KIZ: variants seen among roughly 807,000 people sequenced by gnomAD.
KIZ encodes kizuna centrosomal protein.
In KIZ, 68 loss-of-function variants were observed where a neutral mutation model predicts 79.6. The observed-to-expected ratio is 0.85, with a 90% confidence interval of 0.70 to 1.05. The LOEUF is 1.05. KIZ is among the 50% of genes least tolerant of loss of function. KIZ has a pLI of 0.00. For synonymous variants in KIZ, 280 were observed against 281.8 expected, an observed-to-expected ratio of 0.99 and a Z score of 0.06; for missense variants, 797 against 800.4, an observed-to-expected ratio of 1.00 and a Z score of 0.05.
intron 11 of KIZ, among the ~76,000 whole-genome samples, chr20:21,235,881 A>G (rs1354194474): frequency 6.6e-6 from 1 of 152,216 alleles, no homozygotes; most frequent in Non-Finnish European, 1.5e-5. Flanking sequence ...TGGCGGTGGC[A>G]TTTTCTGTCT....
intron 6 of KIZ, among the ~76,000 whole-genome samples, chr20:21,171,529 C>T (rs532675947): frequency 3.3e-4 from 51 of 152,292 alleles, no homozygotes; most frequent in African/African-American, 1.1e-3. Flanking sequence ...ACTGCAGCCT[C>T]GACCTCCCCA....
At chr20:21,172,162 A>G (rs1418364259) in intron 6 of KIZ, among the ~76,000 whole-genome samples, 1 of 152,230 alleles carries the variant, frequency 6.6e-6, no homozygotes, top group Non-Finnish European at 1.5e-5. Context: ...ATTAGTCTAT[A>G]GATAACGAGA....
intron 9 of KIZ, among the ~76,000 whole-genome samples, chr20:21,222,092 A>G (rs899534621): frequency 6.6e-6 from 1 of 152,222 alleles, no homozygotes; most frequent in Non-Finnish European, 1.5e-5. Flanking sequence ...CTGGGGCTTC[A>G]CCCATGGAGC....
intron 6 of KIZ, among the ~76,000 whole-genome samples, chr20:21,185,703 G>A (rs1244579698): frequency 6.7e-6 from 1 of 148,732 alleles, no homozygotes; most frequent in Non-Finnish European, 1.5e-5. Context: ...GAGCCACCAC[G>A]CCCAACCCTA....
At chr20:21,200,715 C>T (rs985392145) in intron 6 of KIZ, among the ~76,000 whole-genome samples, 1 of 152,106 alleles carries the variant, frequency 6.6e-6, no homozygotes, top group Non-Finnish European at 1.5e-5. Flanking sequence ...CTTTGTGGCC[C>T]AGTTCCTAGC....
rs543916995 is a variant in KIZ, at chr20:21,162,071, T to C, written c.606T>C (p.Asn202=). ...HSHRQTAQSS[N]VTDSCVVQTS... Reference sequence around the variant, plus strand: ...ACCGACAGACAGCCCAGAGCAGTAATGTGACAGACAGCTGTGTAGTACAAA... The same window carrying C: ...ACCGACAGACAGCCCAGAGCAGTAACGTGACAGACAGCTGTGTAGTACAAA... Residue 202 remains asparagine, a synonymous_variant, in exon 5 of 13, where the codon AAT becomes AAC. Transcript: ENST00000619189. 5 of 1,613,898 alleles carry C rather than the reference T, an allele frequency of 3.1e-6. No individual in the cohort carries two copies. The African/African-American group carries it at 5.3e-5, about 17-fold the overall frequency.
chr20:21,236,274 A>G (rs1374610313), intron 11 of KIZ, among the ~76,000 whole-genome samples: 1 of 152,184 alleles, frequency 6.6e-6, no homozygotes, highest in Non-Finnish European at 1.5e-5. Context: ...TAAAACCTAA[A>G]ATTAGTGTTT....
chr20:21,174,263 T>C (rs1227709575), intron 6 of KIZ, among the ~76,000 whole-genome samples: 1 of 152,290 alleles, frequency 6.6e-6, no homozygotes, highest in East Asian at 1.9e-4. Context: ...CCTTTATTTA[T>C]AATCATTTAA....
At chr20:21,138,682 T>A (rs1043280165) in intron 3 of KIZ, among the ~76,000 whole-genome samples, 1 of 152,064 alleles carries the variant, frequency 6.6e-6, no homozygotes, top group African/African-American at 2.4e-5. Flanking sequence ...TAAGGTACAT[T>A]TTTTTCCCCT....
intron 4 of KIZ, among the ~76,000 whole-genome samples, chr20:21,160,045 T>G (rs185714395): frequency 1.6e-4 from 24 of 152,326 alleles, no homozygotes; most frequent in Middle Eastern, 3.4e-3. Context: ...TTCTTATAAT[T>G]TTATGTTGCC....
intron 6 of KIZ, among the ~76,000 whole-genome samples, chr20:21,183,380 CAT>C (rs1269485691): frequency 6.6e-6 from 1 of 152,184 alleles, no homozygotes; most frequent in Non-Finnish European, 1.5e-5. Context: ...AATTTTATGA[CAT>C]GTGAGTCATA....
intron 2 of KIZ, among the ~76,000 whole-genome samples, chr20:21,132,716 AT>A (rs2031932003): frequency 6.6e-6 from 1 of 152,214 alleles, no homozygotes. Flanking sequence ...ATTATTTCAT[AT>A]TTGTTTTATT....
In KIZ at chr20:21,132,144, A is replaced by G; in HGVS notation, c.137A>G (p.Gln46Arg). Residue 46 changes from glutamine to arginine, a missense_variant, in exon 2 of 13, where the codon CAG becomes CGG. By Grantham distance (43) the Gln-to-Arg change is conservative. Transcript: ENST00000619189. Reference protein sequence around the residue: ...DLEKKLYEYNQSDTCRVKLKY... With the variant: ...DLEKKLYEYNRSDTCRVKLKY... ...GAAAAGAAACTTTATGAATATAATC[A>G]GTCTGATACATGCAGGTAAGAGACG... 6.8e-7 allele frequency: 1 copy of G among 1,469,532 alleles called. No individual in the cohort carries two copies. Among genetic ancestry groups the G allele is most frequent in the Non-Finnish European group, 9.3e-7 (1 of 1,079,080 alleles). 91.0% of individuals were successfully genotyped at this position (1,469,532 alleles called of 1,614,324 possible).
At chr20:21,225,122 A>G (rs773402694) in intron 9 of KIZ, among the ~76,000 whole-genome samples, 4 of 152,238 alleles carry the variant, frequency 2.6e-5, no homozygotes, top group Non-Finnish European at 4.4e-5. Context: ...ATAGACAAGG[A>G]TAGATTTTCA....
chr20:21,195,017 C>G (rs927495183), intron 6 of KIZ: 1 of 152,184 alleles, frequency 6.6e-6, no homozygotes, highest in Admixed American at 6.5e-5. Context: ...GGCTTTTGCT[C>G]TTGTTGAGAA....
At chr20:21,237,237 G>A (rs895660196) in intron 11 of KIZ, among the ~76,000 whole-genome samples, 1 of 150,852 alleles carries the variant, frequency 6.6e-6, no homozygotes, top group Non-Finnish European at 1.5e-5. Context: ...AGGAGGCAGA[G>A]GTTGCAGTGC....
chr20:21,220,478 T>A (rs2123356535), intron 9 of KIZ, among the ~76,000 whole-genome samples: 1 of 152,238 alleles, frequency 6.6e-6, no homozygotes, highest in East Asian at 1.9e-4. Context: ...ATTTTGTTTT[T>A]TTATTATTTA....
chr20:21,169,522 G>A (rs1273850531), intron 6 of KIZ, among the ~76,000 whole-genome samples: 3 of 152,164 alleles, frequency 2.0e-5, no homozygotes, highest in Non-Finnish European at 2.9e-5. Context: ...TCAGTGTGGC[G>A]ATTCCTCAGG....
intron 4 of KIZ, among the ~76,000 whole-genome samples, chr20:21,155,024 T>G (rs367783850): frequency 2.2e-4 from 34 of 152,348 alleles, no homozygotes; most frequent in African/African-American, 7.2e-4. Flanking sequence ...TTTTGCAAGT[T>G]TCTCATTTTT....
Sources: allele counts gnomAD v4.1 joint callset (sites outside exome capture counted in the v4.1 genomes callset), GRCh38; gene constraint gnomAD v4.1.1; transcripts MANE v1.5; gene names NCBI Gene and HGNC (gene_info 2026-07-23, HGNC 2026-07-21).